The following STYK1 variants were observed in gnomAD, a reference collection of about 807,000 sequenced individuals.
STYK1 encodes tyrosine-protein kinase STYK1.
Under a neutral mutation model 48.1 loss-of-function variants are expected in STYK1, and 46 were observed. The observed-to-expected ratio is 0.96, with a 90% CI of 0.75 to 1.22. The LOEUF (loss-of-function observed/expected upper bound fraction) is 1.22, where lower values mean the gene tolerates loss of function less well. STYK1 is among the 50% of genes most tolerant of loss of function. STYK1 has a pLI of 0.00. For missense variants in STYK1, 527 were observed against 521.1 expected (o/e 1.01, Z -0.11); for synonymous variants, 188 against 189.0 (o/e 0.99, Z 0.04).
intron 1 of STYK1, among the ~76,000 whole-genome samples, chr12:10,648,425 T>C (rs1423728310): frequency 6.6e-6 from 1 of 151,902 alleles, no homozygotes; most frequent in Non-Finnish European, 1.5e-5. Context: ...AAACCACTAA[T>C]ATGCCAATAA....
chr12:10,649,569 C>T (rs1217933727), intron 1 of STYK1, among the ~76,000 whole-genome samples: 1 of 152,142 alleles, frequency 6.6e-6, no homozygotes. Flanking sequence ...AATGTTACAG[C>T]AACAGTGATG....
intron 10 of STYK1, among the ~76,000 whole-genome samples, chr12:10,620,811 A>G (rs1469656408): frequency 6.6e-6 from 1 of 152,190 alleles, no homozygotes; most frequent in Non-Finnish European, 1.5e-5. Context: ...ACTTGTGCCT[A>G]GAAGCTGCTG....
chr12:10,645,809 C>T (rs1327636773), intron 1 of STYK1, among the ~76,000 whole-genome samples: 11 of 152,158 alleles, frequency 7.2e-5, no homozygotes, highest in East Asian at 3.9e-4. Flanking sequence ...GGGAGGGACT[C>T]AGTGGGAGGT....
At chr12:10,648,586 T>C (rs1947625874) in intron 1 of STYK1, among the ~76,000 whole-genome samples, 1 of 152,044 alleles carries the variant, frequency 6.6e-6, no homozygotes, top group Non-Finnish European at 1.5e-5. Flanking sequence ...GATACATTTT[T>C]TGCCAATCCA....
At chr12:10,622,738 A>T (rs1865927503) in intron 8 of STYK1, 60 bp from the exon 9 acceptor site, 1 of 1,600,802 alleles carries the variant, frequency 6.2e-7, no homozygotes, top group Non-Finnish European at 8.6e-7. Context: ...AAGAGAGCTC[A>T]TTTAAGTGTC....
intron 1 of STYK1, among the ~76,000 whole-genome samples, chr12:10,643,959 T>C (rs948826510): frequency 1.3e-5 from 1 of 77,036 alleles, no homozygotes. Context: ...ACATGGTCCA[T>C]TTTGTATTTT....
rs940157031 is a variant in STYK1, at chr12:10,629,796, C to T, written c.452-122G>A. ...GGCCCCACATGGGAGTGAATGAAGG[C>T]AAAAATAAACACAAAGGGGACTAAT... is the stretch of plus-strand genomic sequence containing the variant. On this transcript the variant is annotated intron_variant, in intron 5 of 10. Transcript: ENST00000075503. 2.4e-5 allele frequency: 23 copies of T among 940,982 alleles called. No homozygotes were observed. In the African/African-American group the frequency reaches 3.3e-4, roughly 13 times the overall value. 58.3% of individuals were successfully genotyped at this position (940,982 alleles called of 1,614,324 possible).
chr12:10,627,606 G>A (rs2125088), intron 7 of STYK1, 35 bp downstream of exon 7: 357,475 of 1,569,230 alleles, frequency 0.23, 42,749 homozygotes, highest in Middle Eastern at 0.32. Flanking sequence ...ACAAGGAAAC[G>A]TCACACCATC....
intron 1 of STYK1, among the ~76,000 whole-genome samples, chr12:10,655,029 C>G (rs1947703042): frequency 6.6e-6 from 1 of 152,200 alleles, no homozygotes; most frequent in Admixed American, 6.5e-5. Flanking sequence ...TTTCCTCCCT[C>G]TCTGTACAAA....
At chr12:10,663,340 C>T (rs370298426) in intron 1 of STYK1, among the ~76,000 whole-genome samples, 9 of 151,916 alleles carry the variant, frequency 5.9e-5, no homozygotes, top group Non-Finnish European at 1.2e-4. Flanking sequence ...CTTACAGGCG[C>T]GGTGGCTCAC....
At chr12:10,633,892 T>C in intron 4 of STYK1, 98 bp downstream of exon 4, 10 of 1,446,620 alleles carry the variant, frequency 6.9e-6, no homozygotes, top group Non-Finnish European at 9.4e-6. Flanking sequence ...TGCAGGTACC[T>C]AGACTTCTAG....
chr12:10,631,164 T>C lies in STYK1; in HGVS notation c.332A>G (p.Glu111Gly). ...PALAKLQVPR[E>G]QLSEVLEQIC... The stretch of plus-strand genomic sequence containing the variant: ...CTGCTCCAGAACTTCAGAGAGTTGC[T>C]CCCGCGGCACCTGCAGCTTAGCCAG... The change falls in exon 5 of 11, where the codon GAG becomes GGG. Residue 111 changes from glutamate to glycine, a missense_variant. By Grantham distance (98) the Glu-to-Gly change is moderately conservative. Transcript: ENST00000075503. The C allele has an allele frequency of 6.2e-7, 1 of 1,614,150 alleles. No individual in the cohort carries two copies. Among genetic ancestry groups the C allele is most frequent in the South Asian group, 1.1e-5 (1 of 91,080 alleles).
Position 10,634,141 on chromosome 12 carries a change from A to T in STYK1, c.53-17T>A. On this transcript the variant is annotated splice_polypyrimidine_tract_variant and intron_variant, in intron 3 of 10. Transcript: ENST00000075503. ...CCTGGATGACTGGGTAGGCGATCAC[A>T]CAGGAAGAGAAGAGAATGAAGAAGC... The T allele has an allele frequency of 6.6e-7, 1 of 1,522,572 alleles. No individual in the cohort carries two copies. Among genetic ancestry groups the T allele is most frequent in the Non-Finnish European group, 8.8e-7 (1 of 1,139,366 alleles). 94.3% of individuals were successfully genotyped at this position (1,522,572 alleles called of 1,614,324 possible). A position where few individuals can be genotyped will look rare whatever the true frequency, so the allele number is the denominator to read the frequency against.
At chr12:10,660,883 T>C (rs1380323970) in intron 1 of STYK1, among the ~76,000 whole-genome samples, 1 of 152,124 alleles carries the variant, frequency 6.6e-6, no homozygotes, top group East Asian at 1.9e-4. Flanking sequence ...TGAAAACTCA[T>C]GAACAGTCCA....
intron 1 of STYK1, among the ~76,000 whole-genome samples, chr12:10,658,591 A>C (rs760915705): frequency 2.6e-5 from 4 of 152,212 alleles, no homozygotes; most frequent in Non-Finnish European, 1.5e-5. Flanking sequence ...TTCCAAAATC[A>C]AATGGTAAAT....
chr12:10,655,961 G>C (rs561911326), intron 1 of STYK1, among the ~76,000 whole-genome samples: 7 of 152,192 alleles, frequency 4.6e-5, no homozygotes, highest in African/African-American at 1.7e-4. Context: ...TTTCTTCTCA[G>C]TTGACTAAAT....
intron 1 of STYK1, among the ~76,000 whole-genome samples, chr12:10,644,906 G>A (rs933101031): frequency 3.9e-5 from 6 of 152,060 alleles, no homozygotes; most frequent in African/African-American, 1.4e-4. Context: ...AATATTGAAA[G>A]CTTGAAAGTG....
intron 5 of STYK1, among the ~76,000 whole-genome samples, chr12:10,630,205 G>A (rs898630998): frequency 3.4e-5 from 5 of 146,254 alleles, no homozygotes; most frequent in Non-Finnish European, 7.7e-5. Context: ...GGCCAATATG[G>A]TGAAACCCCA....
chr12:10,638,877 T>G (rs756038308), intron 1 of STYK1, among the ~76,000 whole-genome samples: 1 of 152,232 alleles, frequency 6.6e-6, no homozygotes, highest in Non-Finnish European at 1.5e-5. Context: ...CAGCCTCACC[T>G]TCAACCTTAC....
Sources: allele counts gnomAD v4.1 joint callset (sites outside exome capture counted in the v4.1 genomes callset), GRCh38; gene constraint gnomAD v4.1.1; transcripts MANE v1.5; gene names NCBI Gene and HGNC (gene_info 2026-07-23, HGNC 2026-07-21).